TIAM1: variants seen among roughly 807,000 people sequenced by gnomAD.
The protein encoded by TIAM1 is rho guanine nucleotide exchange factor TIAM1.
Under a neutral mutation model 163.5 loss-of-function variants are expected in TIAM1, and 65 were observed. The ratio of observed to expected loss-of-function variants is 0.40; its 90% CI spans 0.33 to 0.49. The LOEUF (loss-of-function observed/expected upper bound fraction) is 0.49, where lower values mean the gene tolerates loss of function less well. Among genes scored for constraint, TIAM1 ranks in the 20% least tolerant of loss-of-function variants. The pLI is 0.77. For missense variants in TIAM1, 1,789 were observed against 2,044.7 expected, an observed-to-expected ratio of 0.87 and a Z score of 2.41; for synonymous variants, 833 against 810.1, an observed-to-expected ratio of 1.03 and a Z score of -0.48.
At chr21:31,545,818 T>C (rs1226367063) in intron 1 of TIAM1, among the ~76,000 whole-genome samples, 1 of 152,212 alleles carries the variant, frequency 6.6e-6, no homozygotes, top group African/African-American at 2.4e-5. Flanking sequence ...AGGTCCTTGT[T>C]GTTAAGAGGA....
At chr21:31,186,674 G>A (rs1369417633) in intron 14 of TIAM1, among the ~76,000 whole-genome samples, 2 of 152,082 alleles carry the variant, frequency 1.3e-5, no homozygotes, top group African/African-American at 4.8e-5. Flanking sequence ...CTAGCGACCT[G>A]GGGGGCTGAG....
chr21:31,178,240 G>GA (rs2084854155), intron 15 of TIAM1, among the ~76,000 whole-genome samples: 3 of 149,642 alleles, frequency 2.0e-5, no homozygotes, highest in Admixed American at 2.0e-4. Flanking sequence ...GTGGGGAAGT[G>GA]AAATGCCTTC....
chr21:31,358,443 TC>T (rs2076351153), intron 2 of TIAM1, among the ~76,000 whole-genome samples: 1 of 152,258 alleles, frequency 6.6e-6, no homozygotes, highest in South Asian at 2.1e-4. Flanking sequence ...CCAATGCATG[TC>T]TCTAGCCAGT....
At chr21:31,521,126 T>C (rs957094918) in intron 1 of TIAM1, among the ~76,000 whole-genome samples, 2 of 152,174 alleles carry the variant, frequency 1.3e-5, no homozygotes, top group African/African-American at 4.8e-5. Flanking sequence ...AAGGAATAGA[T>C]TGCCAGATTT....
At chr21:31,550,555 G>A (rs1350884971) in intron 1 of TIAM1, among the ~76,000 whole-genome samples, 3 of 152,090 alleles carry the variant, frequency 2.0e-5, no homozygotes, top group Admixed American at 6.5e-5. Context: ...TCCTAAAATC[G>A]ACTGTGGTGA....
At chr21:31,358,587 G>A (rs1258311006) in intron 2 of TIAM1, among the ~76,000 whole-genome samples, 1 of 152,028 alleles carries the variant, frequency 6.6e-6, no homozygotes, top group East Asian at 1.9e-4. Context: ...AATACTTGGT[G>A]CCATACTTGC....
intron 15 of TIAM1, among the ~76,000 whole-genome samples, chr21:31,175,743 C>T (rs974923133): frequency 1.3e-5 from 2 of 152,004 alleles, no homozygotes; most frequent in Non-Finnish European, 2.9e-5. Flanking sequence ...GGATTACAGG[C>T]GCCCGCCACC....
intron 2 of TIAM1, among the ~76,000 whole-genome samples, chr21:31,331,816 A>G (rs2075686326): frequency 6.6e-6 from 1 of 152,218 alleles, no homozygotes; most frequent in Non-Finnish European, 1.5e-5. Flanking sequence ...GCAGGATTTC[A>G]GTCTGATTTC....
rs140396460 is a variant in TIAM1, at chr21:31,509,609, C to T, written c.-421-45574G>A. Among the ~76,000 whole-genome samples, 149 of 152,368 alleles carry T rather than the reference C, an allele frequency of 9.8e-4. 1 individual carries two copies. The highest frequency in any genetic ancestry group is 3.6e-3 in the African/African-American group (148 of 41,582). On this transcript the variant is annotated intron_variant, in intron 1 of 28. Coordinates refer to the TIAM1 transcript ENST00000286827. ...TCTCCTTCCCGAGGCACGCCTCTCTCAGTCCCCTGCAGGCATCAAGGACCC... is the reference window on the plus strand; with the variant it reads ...TCTCCTTCCCGAGGCACGCCTCTCTTAGTCCCCTGCAGGCATCAAGGACCC...
intron 20 of TIAM1, among the ~76,000 whole-genome samples, chr21:31,145,143 A>C (rs1490239291): frequency 6.6e-6 from 1 of 152,190 alleles, no homozygotes; most frequent in South Asian, 2.1e-4. Context: ...AACACAGCAC[A>C]CGGGAAAGGT....
intron 2 of TIAM1, among the ~76,000 whole-genome samples, chr21:31,319,763 G>C (rs1204126860): frequency 1.5e-5 from 2 of 129,534 alleles, no homozygotes; most frequent in African/African-American, 6.1e-5. Flanking sequence ...CTGGGTGACA[G>C]AGTGAGACTC....
At chr21:31,240,706 A>G (rs560005238) in intron 6 of TIAM1, among the ~76,000 whole-genome samples, 206 of 152,306 alleles carry the variant, frequency 1.4e-3, no homozygotes, top group Non-Finnish European at 2.6e-3. Flanking sequence ...AAAAACAATT[A>G]ATGACAATTG....
At chr21:31,180,049 G>GCA (rs1322193854) in intron 15 of TIAM1, among the ~76,000 whole-genome samples, 3 of 151,826 alleles carry the variant, frequency 2.0e-5, no homozygotes, top group African/African-American at 7.3e-5. Flanking sequence ...GGGATTACAG[G>GCA]CGCCTGCCAC....
chr21:31,214,582 T>C (rs2087075254), intron 9 of TIAM1, among the ~76,000 whole-genome samples: 1 of 151,938 alleles, frequency 6.6e-6, no homozygotes, highest in African/African-American at 2.4e-5. Context: ...AAATAGAAAA[T>C]TGTCTCTTCC....
At chr21:31,152,602 G>T (rs2083432437) in intron 19 of TIAM1, 34 bp downstream of exon 19, 3 of 1,612,366 alleles carry the variant, frequency 1.9e-6, no homozygotes, top group Admixed American at 3.3e-5. Flanking sequence ...CCACACTATA[G>T]CCCTGACGCT....
At chr21:31,425,853 C>T (rs1387383289) in intron 2 of TIAM1, among the ~76,000 whole-genome samples, 1 of 151,940 alleles carries the variant, frequency 6.6e-6, no homozygotes, top group Non-Finnish European at 1.5e-5. Context: ...CATGCCACCA[C>T]ACCCACCTAA....
chr21:31,301,664 A>T (rs1259487565), intron 2 of TIAM1, among the ~76,000 whole-genome samples: 1 of 151,960 alleles, frequency 6.6e-6, no homozygotes, highest in Non-Finnish European at 1.5e-5. Flanking sequence ...ACATGGCGAA[A>T]CCCCCTCTTT....
intron 2 of TIAM1, among the ~76,000 whole-genome samples, chr21:31,354,236 G>A (rs770462996): frequency 2.0e-5 from 3 of 152,038 alleles, no homozygotes; most frequent in Non-Finnish European, 2.9e-5. Context: ...ACTTACTCAT[G>A]GAGAACCTCA....
At chr21:31,273,009 A>C (rs565475825) in intron 3 of TIAM1, among the ~76,000 whole-genome samples, 8 of 152,202 alleles carry the variant, frequency 5.3e-5, no homozygotes, top group Non-Finnish European at 1.0e-4. Flanking sequence ...GAGTAAACCA[A>C]CTAAGGCCTA....
Sources: allele counts gnomAD v4.1 joint callset (sites outside exome capture counted in the v4.1 genomes callset), GRCh38; gene constraint gnomAD v4.1.1; transcripts MANE v1.5; gene names NCBI Gene and HGNC (gene_info 2026-07-23, HGNC 2026-07-21).